Variants in BNC2 observed in about 807,000 individuals in gnomAD.
The protein encoded by BNC2 is basonuclin zinc finger protein 2.
In BNC2, 20 loss-of-function variants were observed where a neutral mutation model predicts 76.3. The ratio of observed to expected loss-of-function variants is 0.26; its 90% CI spans 0.18 to 0.38. BNC2 has a LOEUF of 0.38. BNC2 is among the 10% of genes least tolerant of loss of function. BNC2 has a pLI of 1.00. For synonymous variants in BNC2, 582 were observed against 514.8 expected (o/e 1.13, Z -1.77); for missense variants, 1,382 against 1,399.8 (o/e 0.99, Z 0.20).
rs755319182 is a variant in BNC2, at chr9:16,435,884, G to A, written c.2310C>T (p.Asp770=). The A allele has an allele frequency of 1.4e-5, 23 of 1,613,686 alleles. No homozygotes were observed. Among genetic ancestry groups the A allele is most frequent in the African/African-American group, 4.0e-5 (3 of 74,908 alleles). Residue 770 remains aspartate (D), a synonymous_variant, in exon 6 of 7, where the codon GAC becomes GAT. Coordinates refer to ENST00000380672, the MANE Select transcript of BNC2 (RefSeq NM_017637.6). ...TAAATTCTTCCTTCACCTTGATGAC[G>A]TCCTGGTGAGAGGGCTCACTGTGGT... The part of the protein sequence containing the change: ...DENHSEPSHQ[D]VIKVKEEFTD...
At chr9:16,668,537 T>C (rs536833434) in intron 3 of BNC2, among the ~76,000 whole-genome samples, 1 of 152,356 alleles carries the variant, frequency 6.6e-6, no homozygotes, top group South Asian at 2.1e-4. Context: ...TAAACAATTT[T>C]AAACCCCTCT....
At chr9:16,606,957 A>G (rs1820404855) in intron 3 of BNC2, among the ~76,000 whole-genome samples, 1 of 151,050 alleles carries the variant, frequency 6.6e-6, no homozygotes, top group Admixed American at 6.6e-5. Context: ...ACGGACTAAC[A>G]CATTTATTGA....
intron 5 of BNC2, among the ~76,000 whole-genome samples, chr9:16,517,959 C>A (rs1817488965): frequency 6.6e-6 from 1 of 152,030 alleles, no homozygotes; most frequent in Admixed American, 6.6e-5. Context: ...GGGTTTCTAC[C>A]AAATCCCTTA....
chr9:16,613,604 G>A (rs1453721422), intron 3 of BNC2, among the ~76,000 whole-genome samples: 2 of 152,102 alleles, frequency 1.3e-5, no homozygotes, highest in East Asian at 1.9e-4. Flanking sequence ...GAGATTGTGC[G>A]CAAGAAGATC....
At chr9:16,474,621 T>C (rs1821892129) in intron 5 of BNC2, among the ~76,000 whole-genome samples, 1 of 152,170 alleles carries the variant, frequency 6.6e-6, no homozygotes, top group Non-Finnish European at 1.5e-5. Flanking sequence ...GAATAAAGTA[T>C]CTCTGCAACA....
At chr9:16,834,260 T>A (rs1260466609) in intron 1 of BNC2, among the ~76,000 whole-genome samples, 3 of 152,192 alleles carry the variant, frequency 2.0e-5, no homozygotes, top group Non-Finnish European at 1.5e-5. Context: ...TACTCTTAAC[T>A]ATACTAATAA....
chr9:16,645,134 A>G (rs974993306), intron 3 of BNC2, among the ~76,000 whole-genome samples: 3 of 152,220 alleles, frequency 2.0e-5, no homozygotes, highest in African/African-American at 7.2e-5. Context: ...CAGGTAAAAA[A>G]GATAACAATT....
chr9:16,685,419 TG>T (rs1308546147), intron 3 of BNC2: 3 of 459,126 alleles, frequency 6.5e-6, no homozygotes, highest in Non-Finnish European at 1.3e-5. Context: ...TACGCTACAC[TG>T]GTTCCTCTTT....
chr9:16,669,014 C>T (rs933298971), intron 3 of BNC2, among the ~76,000 whole-genome samples: 5 of 151,928 alleles, frequency 3.3e-5, no homozygotes, highest in East Asian at 1.9e-4. Flanking sequence ...TCAAGACACA[C>T]GATTTTCATA....
At chr9:16,693,575 A>C (rs1220088007) in intron 3 of BNC2, among the ~76,000 whole-genome samples, 1 of 152,224 alleles carries the variant, frequency 6.6e-6, no homozygotes, top group Admixed American at 6.5e-5. Flanking sequence ...TCCCTAGCCC[A>C]TGTAAACTAG....
At chr9:16,421,238 T>G in intron 6 of BNC2, 1 of 1,293,136 alleles carries the variant, frequency 7.7e-7, no homozygotes, top group Non-Finnish European at 1.0e-6. Context: ...CCTCTCCAAC[T>G]GCACTTAGGA....
chr9:16,536,308 G>A (rs1818128728), intron 5 of BNC2, among the ~76,000 whole-genome samples: 1 of 152,052 alleles, frequency 6.6e-6, no homozygotes, highest in Non-Finnish European at 1.5e-5. Context: ...CAACATTGTG[G>A]AAAAATTAAA....
At chr9:16,451,074 A>C (rs557824465) in intron 5 of BNC2, among the ~76,000 whole-genome samples, 1 of 152,148 alleles carries the variant, frequency 6.6e-6, no homozygotes, top group South Asian at 2.1e-4. Context: ...TTTATCTTTT[A>C]AGGCTGGATT....
At chr9:16,423,579 TTGGTTTCC>T (rs1820749216) in intron 6 of BNC2, among the ~76,000 whole-genome samples, 1 of 152,190 alleles carries the variant, frequency 6.6e-6, no homozygotes, top group South Asian at 2.1e-4. Context: ...TAAAAGTACA[TTGGTTTCC>T]CTTCCATCAA....
At chr9:16,759,895 T>G (rs971664019) in intron 1 of BNC2, among the ~76,000 whole-genome samples, 11 of 152,196 alleles carry the variant, frequency 7.2e-5, no homozygotes, top group Admixed American at 3.9e-4. Flanking sequence ...GGCTAATTTT[T>G]TGTATTTTCA....
intron 5 of BNC2, among the ~76,000 whole-genome samples, chr9:16,505,516 A>G (rs373952150): frequency 4.6e-5 from 7 of 152,170 alleles, no homozygotes; most frequent in East Asian, 3.9e-4. Context: ...TTCAGAGCCA[A>G]CCAAGGTCTG....
intron 1 of BNC2, among the ~76,000 whole-genome samples, chr9:16,751,395 G>C (rs1563926749): frequency 6.6e-6 from 1 of 151,758 alleles, no homozygotes; most frequent in African/African-American, 2.4e-5. Context: ...GGAAAACACA[G>C]TATCACATCT....
chr9:16,809,330 T>G (rs772364140), intron 1 of BNC2, among the ~76,000 whole-genome samples: 31 of 152,024 alleles, frequency 2.0e-4, no homozygotes, highest in Admixed American at 7.2e-4. Context: ...TAGGAGAGAT[T>G]TGAAAACATC....
intron 3 of BNC2, among the ~76,000 whole-genome samples, chr9:16,599,147 T>C (rs1429139394): frequency 6.6e-6 from 1 of 152,194 alleles, no homozygotes; most frequent in African/African-American, 2.4e-5. Context: ...TTATGAAATA[T>C]AAAAACATAA....
Sources: allele counts gnomAD v4.1 joint callset (sites outside exome capture counted in the v4.1 genomes callset), GRCh38; gene constraint gnomAD v4.1.1; transcripts MANE v1.5; gene names NCBI Gene and HGNC (gene_info 2026-07-23, HGNC 2026-07-21).